The following PTPRZ1 variants were observed in gnomAD, a reference collection of about 807,000 sequenced individuals.
The protein encoded by PTPRZ1 is protein tyrosine phosphatase receptor type Z1, also known as receptor-type tyrosine-protein phosphatase zeta.
Under a neutral mutation model 214.1 loss-of-function variants are expected in PTPRZ1, and 82 were observed. The ratio of observed to expected loss-of-function variants is 0.38; its 90% CI spans 0.32 to 0.46. PTPRZ1 has a LOEUF of 0.46. Among genes scored for constraint, PTPRZ1 ranks in the 20% least tolerant of loss-of-function variants. The pLI, the probability that PTPRZ1 is intolerant of heterozygous loss-of-function variation, is 1.00. For synonymous variants in PTPRZ1, 945 were observed against 987.9 expected, an observed-to-expected ratio of 0.96 and a Z score of 0.81; for missense variants, 2,603 against 2,748.7, an observed-to-expected ratio of 0.95 and a Z score of 1.19.
At chr7:121,974,447 G>T (rs945938985) in intron 4 of PTPRZ1, among the ~76,000 whole-genome samples, 6 of 152,240 alleles carry the variant, frequency 3.9e-5, no homozygotes, top group Middle Eastern at 3.4e-3. Flanking sequence ...TAATGCAAAA[G>T]CCTCTCAAAT....
At chr7:121,903,427 T>C (rs1445235820) in intron 1 of PTPRZ1, among the ~76,000 whole-genome samples, 3 of 152,208 alleles carry the variant, frequency 2.0e-5, no homozygotes, top group Admixed American at 1.3e-4. Flanking sequence ...CTACTGTTGG[T>C]AAAGCACTAG....
At chr7:121,957,326 G>A (rs1202346284) in intron 2 of PTPRZ1, among the ~76,000 whole-genome samples, 3 of 151,476 alleles carry the variant, frequency 2.0e-5, no homozygotes, top group South Asian at 2.1e-4. Context: ...GCATGGTGGC[G>A]GCGATGGTGG....
In PTPRZ1 at chr7:121,955,559, T is replaced by C. The variant is rs113887044; in HGVS notation, c.125-12392T>C. ...TTCTCTCATAATTCCATAAATAGTT[T>C]GCCTGCCTTTCATTGAGGGCAGTTA... On this transcript the variant is annotated intron_variant, in intron 2 of 29. Transcript: ENST00000393386. 3.3e-3 allele frequency among the ~76,000 whole-genome samples: 510 copies of C among 152,302 alleles called. 4 individuals carry two copies. Among genetic ancestry groups the C allele is most frequent in the Non-Finnish European group, 6.1e-3 (412 of 68,022 alleles).
intron 13 of PTPRZ1, among the ~76,000 whole-genome samples, chr7:122,019,485 G>A (rs1044751474): frequency 7.2e-5 from 11 of 152,002 alleles, no homozygotes; most frequent in South Asian, 2.1e-4. Context: ...ACTTTTACCC[G>A]TTACTATTTA....
At chr7:122,051,303 A>G (rs1733513145) in intron 23 of PTPRZ1, 125 bp from the exon 24 acceptor site, 1 of 525,776 alleles carries the variant, frequency 1.9e-6, no homozygotes, top group East Asian at 3.3e-5. Flanking sequence ...AACATTTCAT[A>G]TATATTTTTA....
intron 13 of PTPRZ1, among the ~76,000 whole-genome samples, chr7:122,020,828 C>CT (rs76417252): frequency 0.1 from 11,923 of 116,676 alleles, 536 homozygotes; most frequent in East Asian, 0.21. Flanking sequence ...GCCAAAGATT[C>CT]TTTTTTTTTT....
chr7:121,935,539 G>GTTTT (rs67756016), intron 2 of PTPRZ1, among the ~76,000 whole-genome samples: 1 of 118,554 alleles, frequency 8.4e-6, no homozygotes, highest in Non-Finnish European at 1.7e-5. Context: ...GTTTTTTGGG[G>GTTTT]TTTTTTTTGT....
chr7:122,017,199 CATGT>C (rs1168460510), intron 12 of PTPRZ1, among the ~76,000 whole-genome samples: 2 of 152,044 alleles, frequency 1.3e-5, no homozygotes, highest in Non-Finnish European at 2.9e-5. Flanking sequence ...TGAAGACAAC[CATGT>C]ATAAAATAAG....
At chr7:121,975,731 G>A (rs1797409303) in intron 4 of PTPRZ1, among the ~76,000 whole-genome samples, 1 of 152,104 alleles carries the variant, frequency 6.6e-6, no homozygotes, top group African/African-American at 2.4e-5. Context: ...ATCAAAATAT[G>A]AAACTTAAAA....
In PTPRZ1 at chr7:122,011,494, T is replaced by G. The variant is rs1193086894; in HGVS notation, c.2448T>G (p.Gly816=). 1.2e-6 allele frequency: 2 copies of G among 1,614,012 alleles called. No individual in the cohort carries two copies. The highest frequency in any genetic ancestry group is 1.7e-6 in the Non-Finnish European group (2 of 1,179,880). ...AATCCATCCTGTCTTCCTATGATGG[T>G]GCACCTTTGCTTCCATTTTCCTCTG... ...SFESILSSYD[G]APLLPFSSAS... is the part of the protein sequence containing the mutation. The change falls in exon 12 of 30, where the codon GGT becomes GGG. Residue 816 remains glycine (G), a synonymous_variant. Transcript: ENST00000393386.
chr7:121,935,735 A>AT (rs935095784), intron 2 of PTPRZ1, among the ~76,000 whole-genome samples: 1 of 151,652 alleles, frequency 6.6e-6, no homozygotes, highest in Admixed American at 6.6e-5. Context: ...ATCCCGGCTA[A>AT]TTTTTTGTAT....
intron 2 of PTPRZ1, among the ~76,000 whole-genome samples, chr7:121,955,541 A>T (rs1486591582): frequency 6.6e-6 from 1 of 152,198 alleles, no homozygotes; most frequent in Non-Finnish European, 1.5e-5. Context: ...CATTTCTCTC[A>T]TAATTCCATA....
chr7:121,937,432 G>A (rs749306857), intron 2 of PTPRZ1, among the ~76,000 whole-genome samples: 5 of 152,100 alleles, frequency 3.3e-5, no homozygotes, highest in Non-Finnish European at 7.4e-5. Flanking sequence ...TGCACCTGGC[G>A]GCTCCCCTGG....
intron 2 of PTPRZ1, among the ~76,000 whole-genome samples, chr7:121,939,184 T>C (rs1160743971): frequency 1.3e-5 from 2 of 152,224 alleles, no homozygotes; most frequent in Non-Finnish European, 2.9e-5. Context: ...ACAAATAGAT[T>C]ATACAAAAGA....
chr7:122,027,771 T>A (rs1799243875), intron 13 of PTPRZ1, among the ~76,000 whole-genome samples: 1 of 152,174 alleles, frequency 6.6e-6, no homozygotes, highest in Non-Finnish European at 1.5e-5. Flanking sequence ...CTACTCTTAT[T>A]ATCCGAATGA....
Position 122,032,545 on chromosome 7 carries a change from G to A in PTPRZ1, c.5166+986G>A, listed in dbSNP as rs550895802. Among the ~76,000 whole-genome samples, 44 of 152,104 alleles carry A rather than the reference G, an allele frequency of 2.9e-4. No homozygotes were observed. In the Middle Eastern group the frequency reaches 0.01, roughly 35 times the overall value. Reference sequence around the variant, plus strand: ...TCTCCCCTAACCCCAGTGGCTCTGCGGACCTCCCTCTTTGAAGTACTTTGA... The same window carrying A: ...TCTCCCCTAACCCCAGTGGCTCTGCAGACCTCCCTCTTTGAAGTACTTTGA... On this transcript the variant is annotated intron_variant, in intron 15 of 29. Transcript: ENST00000393386.
chr7:121,970,164 G>A (rs1584694997), intron 3 of PTPRZ1, among the ~76,000 whole-genome samples: 1 of 152,184 alleles, frequency 6.6e-6, no homozygotes, highest in South Asian at 2.1e-4. Context: ...GTATTCCATG[G>A]TGTATGTGTG....
chr7:121,972,577 G>A lies in PTPRZ1; in HGVS notation c.341G>A (p.Gly114Glu), dbSNP rs893448176. The A allele has an allele frequency of 1.9e-6, 3 of 1,613,168 alleles. No homozygotes were observed. The highest frequency in any genetic ancestry group is 2.7e-5 in the African/African-American group (2 of 74,868). ...CTCACTAATGACTACCGTGTCAGCG[G>A]AGGAGTTTCAGAAATGGTGTTTAAA... ...INLTNDYRVS[G>E]GVSEMVFKAS... Residue 114 changes from glycine to glutamate, a missense_variant, in exon 4 of 30, where the codon GGA (glycine) becomes GAA (glutamate). Around this residue, in one of 6 missense-constraint regions of PTPRZ1, gnomAD observed 141 missense variants for 143.7 expected, o/e 0.98. Coordinates refer to ENST00000393386, the MANE Select transcript of PTPRZ1 (RefSeq NM_002851.3).
rs866840386 is a variant in PTPRZ1, at chr7:121,912,495, G to A, written c.59-15661G>A. Among the ~76,000 whole-genome samples, 8 of 152,170 alleles carry A rather than the reference G, an allele frequency of 5.3e-5. No individual in the cohort carries two copies. The South Asian group carries it at 1.2e-3, about 24-fold the overall frequency. The stretch of plus-strand genomic sequence containing the variant: ...CCATAGGCAGAAGAGAGACATACAG[G>A]TGTATGTTCATTGAAATATGACAGC... On this transcript the variant is annotated intron_variant, in intron 1 of 29. Transcript: ENST00000393386.
Sources: gnomAD v4.1 joint callset for allele counts (sites outside exome capture counted in the v4.1 genomes callset) on GRCh38, gnomAD v4.1.1 for gene constraint, gnomAD v4.1.1 regional missense constraint, MANE v1.5 for transcripts, NCBI Gene and HGNC (gene_info 2026-07-23, HGNC 2026-07-21) for gene names.